FER: variants seen among roughly 807,000 people sequenced by gnomAD.
The protein encoded by FER is tyrosine-protein kinase Fer.
A neutral mutation model predicts 111.0 loss-of-function variants in FER; 63 were observed. That is an observed-to-expected ratio of 0.57 (90% CI 0.46 to 0.70). The LOEUF (loss-of-function observed/expected upper bound fraction) is 0.70, where lower values mean the gene tolerates loss of function less well. Ranked by LOEUF, FER falls within the 30% of genes least tolerant of loss-of-function variation. The pLI is 0.00. For synonymous variants in FER, 327 were observed against 313.9 expected, an observed-to-expected ratio of 1.04 and a Z score of -0.44; for missense variants, 914 against 954.0, an observed-to-expected ratio of 0.96 and a Z score of 0.55.
chr5:108,800,090 G>A (rs1257719456), intron 3 of FER, among the ~76,000 whole-genome samples: 1 of 151,914 alleles, frequency 6.6e-6, no homozygotes, highest in Non-Finnish European at 1.5e-5. Context: ...TGATCTACCT[G>A]CCTCGGTCTC....
At chr5:109,034,410 C>T (rs1278390843) in intron 13 of FER, among the ~76,000 whole-genome samples, 1 of 151,968 alleles carries the variant, frequency 6.6e-6, no homozygotes, top group Non-Finnish European at 1.5e-5. Flanking sequence ...TTTTCTACCA[C>T]AGTGTGGTAT....
At chr5:108,872,652 G>A (rs1263310779) in intron 8 of FER, among the ~76,000 whole-genome samples, 1 of 152,084 alleles carries the variant, frequency 6.6e-6, no homozygotes, top group Non-Finnish European at 1.5e-5. Flanking sequence ...GATGTCTTCT[G>A]TTATAGGCTG....
At chr5:109,056,506 TAAAA>T (rs141276707) in intron 16 of FER, among the ~76,000 whole-genome samples, 4,792 of 151,788 alleles carry the variant, frequency 0.032, 95 homozygotes, top group Middle Eastern at 0.11. Context: ...TATGGAATCT[TAAAA>T]AAAAGTCAGA....
At chr5:109,135,608 T>G (rs906563516) in intron 17 of FER, among the ~76,000 whole-genome samples, 3 of 152,164 alleles carry the variant, frequency 2.0e-5, no homozygotes, top group Non-Finnish European at 4.4e-5. Flanking sequence ...AACAAGACTT[T>G]TGGGGGCAAT....
At chr5:109,020,539 G>A (rs949078894) in intron 13 of FER, among the ~76,000 whole-genome samples, 19 of 151,970 alleles carry the variant, frequency 1.3e-4, no homozygotes, top group African/African-American at 4.6e-4. Context: ...TTAGATCTCA[G>A]TTTCCTTCTA....
At chr5:109,173,340 G>T (rs934486646) in intron 17 of FER, among the ~76,000 whole-genome samples, 3 of 152,200 alleles carry the variant, frequency 2.0e-5, no homozygotes, top group Admixed American at 6.5e-5. Context: ...ATCACCACAG[G>T]CCTCTGTTTC....
chr5:108,757,079 G>A (rs1185387246), intron 1 of FER, among the ~76,000 whole-genome samples: 2 of 152,124 alleles, frequency 1.3e-5, no homozygotes, highest in Admixed American at 1.3e-4. Flanking sequence ...ATGATACTGG[G>A]ATTTGAACTT....
chr5:109,014,562 T>C (rs909552895), intron 13 of FER, among the ~76,000 whole-genome samples: 6 of 152,190 alleles, frequency 3.9e-5, no homozygotes, highest in African/African-American at 9.6e-5. Context: ...CTTGGCGATG[T>C]GGGCTCTTTT....
At chr5:109,002,529 A>G (rs1386320522) in intron 13 of FER, among the ~76,000 whole-genome samples, 1 of 152,026 alleles carries the variant, frequency 6.6e-6, no homozygotes, top group South Asian at 2.1e-4. Flanking sequence ...CCTAGAAGAA[A>G]ACCTAGGCAT....
At chr5:109,056,264 G>A (rs1301144485) in intron 16 of FER, among the ~76,000 whole-genome samples, 2 of 152,112 alleles carry the variant, frequency 1.3e-5, no homozygotes, top group African/African-American at 4.8e-5. Flanking sequence ...AAAGATATGT[G>A]CACTCCTATA....
At chr5:108,916,135 A>T (rs1752234640) in intron 10 of FER, among the ~76,000 whole-genome samples, 1 of 152,226 alleles carries the variant, frequency 6.6e-6, no homozygotes, top group African/African-American at 2.4e-5. Flanking sequence ...CAAATTAAAA[A>T]TATTTGGAAT....
intron 13 of FER, among the ~76,000 whole-genome samples, chr5:108,968,939 G>T (rs879347711): frequency 1.3e-5 from 2 of 151,902 alleles, no homozygotes; most frequent in African/African-American, 2.4e-5. Flanking sequence ...AAGTTGATTT[G>T]CCCCATTCTC....
intron 17 of FER, among the ~76,000 whole-genome samples, chr5:109,173,491 AT>A (rs1447685426): frequency 1.3e-5 from 2 of 152,280 alleles, no homozygotes; most frequent in South Asian, 2.1e-4. Flanking sequence ...CCCTATACAA[AT>A]TTTTTTATAA....
intron 10 of FER, among the ~76,000 whole-genome samples, chr5:108,915,872 A>C (rs1333899402): frequency 6.6e-6 from 1 of 152,160 alleles, no homozygotes; most frequent in African/African-American, 2.4e-5. Context: ...AGGGAGTAGG[A>C]AAAAGGAGAT....
intron 2 of FER, among the ~76,000 whole-genome samples, chr5:108,787,150 C>G (rs969646707): frequency 5.9e-5 from 9 of 152,196 alleles, no homozygotes; most frequent in Non-Finnish European, 4.4e-5. Context: ...TGCTCTCACC[C>G]CCTGGCCTCT....
intron 17 of FER, among the ~76,000 whole-genome samples, chr5:109,153,120 C>T (rs1392924100): frequency 6.6e-6 from 1 of 151,416 alleles, no homozygotes; most frequent in African/African-American, 2.4e-5. Context: ...AACATGAAGC[C>T]CTTTTTATGA....
rs137918625 is a variant in FER at position 108,946,162 on chromosome 5, T to G, written c.1269T>G (p.Ser423=). Residue 423 remains serine (S), a synonymous_variant, in exon 11 of 20, where the codon TCT becomes TCG. Coordinates refer to ENST00000281092, the MANE Select transcript of FER (RefSeq NM_005246.4). ...ERKERLSKFE[S]IRHSIAGIIR... The stretch of plus-strand genomic sequence containing the variant: ...AGGAGAGGCTATCCAAATTTGAATC[T>G]ATTCGTCATTCAATTGCTGGAATAA... 62 of 1,612,240 alleles carry G rather than the reference T, an allele frequency of 3.8e-5. No individual in the cohort carries two copies. In the African/African-American group the frequency reaches 7.2e-4, roughly 19 times the overall value.
At chr5:109,015,681 A>G (rs1055101775) in intron 13 of FER, among the ~76,000 whole-genome samples, 1 of 152,088 alleles carries the variant, frequency 6.6e-6, no homozygotes, top group African/African-American at 2.4e-5. Flanking sequence ...AGGAGACAGC[A>G]TTATATATGG....
At chr5:108,782,390 C>T (rs1305418949) in intron 2 of FER, among the ~76,000 whole-genome samples, 2 of 151,962 alleles carry the variant, frequency 1.3e-5, no homozygotes, top group Non-Finnish European at 2.9e-5. Context: ...GCATAGACCA[C>T]GTTTCTTACA....
Sources: gnomAD v4.1 joint callset for allele counts (sites outside exome capture counted in the v4.1 genomes callset) on GRCh38, gnomAD v4.1.1 for gene constraint, MANE v1.5 for transcripts, NCBI Gene and HGNC (gene_info 2026-07-23, HGNC 2026-07-21) for gene names.